The following THEMIS variants were observed in gnomAD, a reference collection of about 807,000 sequenced individuals.
THEMIS encodes the protein thymocyte selection associated, also known as protein THEMIS.
THEMIS carries 37 observed loss-of-function variants against 52.6 expected under a neutral mutation model. That is an observed-to-expected ratio of 0.70 (90% CI 0.54 to 0.93). THEMIS has a LOEUF of 0.93. THEMIS is among the 40% of genes least tolerant of loss of function. The probability of loss-of-function intolerance (pLI) is 0.00; values close to 1 mark genes in which losing one functional copy is unlikely to be tolerated. For synonymous variants in THEMIS, 292 were observed against 272.7 expected (o/e 1.07, Z -0.70); for missense variants, 808 against 763.1 (o/e 1.06, Z -0.69).
Position 127,900,879 on chromosome 6 carries a change from G to T in THEMIS, c.54C>A (p.Pro18=), listed in dbSNP as rs780255456. The T allele has an allele frequency of 2.5e-6, 4 of 1,613,170 alleles. No homozygotes were observed. The Admixed American group carries it at 5.0e-5, about 20-fold the overall frequency. Residue 18 remains proline (P), a synonymous_variant, in exon 1 of 6, where the codon CCC becomes CCA. Transcript: ENST00000368248. Reference sequence around the variant, plus strand: ...TGCCTGCCTGGATTTCTAGAACCCTGGGTAGGGTCCTGAGGTCAAGGGAGT... The same window carrying T: ...TGCCTGCCTGGATTTCTAGAACCCTTGGTAGGGTCCTGAGGTCAAGGGAGT... ...FVHSLDLRTL[P]RVLEIQAGIY... is the part of the protein sequence containing the mutation.
chr6:127,820,460 A>C (rs896064161), intron 3 of THEMIS, among the ~76,000 whole-genome samples: 2 of 152,154 alleles, frequency 1.3e-5, no homozygotes, highest in Non-Finnish European at 2.9e-5. Context: ...ATGAGAGCAC[A>C]GGGACTGGAC....
chr6:127,709,966 T>G lies in THEMIS; in HGVS notation c.*19A>C. On this transcript the variant is annotated 3_prime_UTR_variant, in exon 6 of 6. Coordinates refer to ENST00000368248, the MANE Select transcript of THEMIS (RefSeq NM_001010923.3). ...GCAACATTTATGTTTGCTGCCTAAG[T>G]GGCTTCTGTCACATCTTGTTATTTT... The G allele has an allele frequency of 6.3e-7, 1 of 1,585,276 alleles. No homozygotes were observed. The highest frequency in any genetic ancestry group is 8.6e-7 in the Non-Finnish European group (1 of 1,168,378).
chr6:127,862,820 T>A (rs1779852249), intron 1 of THEMIS, among the ~76,000 whole-genome samples: 1 of 152,090 alleles, frequency 6.6e-6, no homozygotes, highest in South Asian at 2.1e-4. Flanking sequence ...TTTGTCCCTC[T>A]CATCACTAAT....
In THEMIS at chr6:127,840,585, A is replaced by T. The variant is rs534028451; in HGVS notation, c.251-10651T>A. Among the ~76,000 whole-genome samples the T allele has an allele frequency of 9.6e-4, 146 of 152,248 alleles. 1 individual carries two copies. Among genetic ancestry groups the T allele is most frequent in the African/African-American group, 3.4e-3 (142 of 41,570 alleles). ...CATGCATGTGTTACTTGTAAAACAG[A>T]AAAATAAATACATCTTATAGCTTTA... On this transcript the variant is annotated intron_variant, in intron 2 of 5. Transcript: ENST00000368248.
intron 1 of THEMIS, among the ~76,000 whole-genome samples, chr6:127,881,045 G>A (rs1210908513): frequency 6.6e-6 from 1 of 151,952 alleles, no homozygotes; most frequent in Non-Finnish European, 1.5e-5. Context: ...CTTGACTATT[G>A]CATCAAAGCA....
At chr6:127,798,708 C>T (rs757141983) in intron 4 of THEMIS, among the ~76,000 whole-genome samples, 47 of 152,006 alleles carry the variant, frequency 3.1e-4, no homozygotes, top group Non-Finnish European at 4.9e-4. Context: ...AAATTAAAGA[C>T]GGCCGGGCGC....
At chr6:127,791,492 C>T (rs889638286) in intron 4 of THEMIS, among the ~76,000 whole-genome samples, 5 of 152,142 alleles carry the variant, frequency 3.3e-5, no homozygotes, top group African/African-American at 1.2e-4. Context: ...AGGTGCTGAT[C>T]GGCCCGTGAG....
At chr6:127,701,320 T>C in the THEMIS span, among the ~76,000 whole-genome samples, 1 of 152,144 alleles carries the variant, frequency 6.6e-6, no homozygotes, top group African/African-American at 2.4e-5. Flanking sequence ...ATCTAATTTT[T>C]ATGATTCTGG....
chr6:127,703,035 G>GGTTTTTTTTTTTTTTTTT, the THEMIS span, among the ~76,000 whole-genome samples: 129 of 82,380 alleles, frequency 1.6e-3, 30 homozygotes, highest in Middle Eastern at 7.8e-3. Flanking sequence ...TTTAGAATGA[G>GGTTTTTTTTTTTTTTTTT]TTTTTTTTTT....
chr6:127,799,962 A>G (rs1777477467), intron 4 of THEMIS, among the ~76,000 whole-genome samples: 1 of 152,240 alleles, frequency 6.6e-6, no homozygotes, highest in African/African-American at 2.4e-5. Context: ...AAAAGCATCA[A>G]TTAGCCATGG....
At chr6:127,772,850 C>T (rs537723002) in intron 4 of THEMIS, among the ~76,000 whole-genome samples, 3 of 152,146 alleles carry the variant, frequency 2.0e-5, no homozygotes, top group Middle Eastern at 3.4e-3. Context: ...ATTTTGAGGG[C>T]GTTTGGGGGC....
intron 3 of THEMIS, among the ~76,000 whole-genome samples, chr6:127,823,605 A>G (rs978326167): frequency 5.9e-5 from 9 of 152,148 alleles, no homozygotes; most frequent in Admixed American, 5.9e-4. Context: ...TAAGAAATTA[A>G]TGTGATATTT....
At chr6:127,889,275 G>T (rs1032843468) in intron 1 of THEMIS, among the ~76,000 whole-genome samples, 8 of 152,204 alleles carry the variant, frequency 5.3e-5, no homozygotes, top group African/African-American at 1.7e-4. Context: ...CCACAAAAGG[G>T]TTGGGAAGTA....
intron 3 of THEMIS, among the ~76,000 whole-genome samples, chr6:127,818,697 C>T (rs1778219805): frequency 6.6e-6 from 1 of 151,560 alleles, no homozygotes; most frequent in Non-Finnish European, 1.5e-5. Context: ...ATTACTAGAC[C>T]AGGAACTTAA....
In THEMIS at chr6:127,829,801, G is replaced by A. The variant is rs147408722; in HGVS notation, c.384C>T (p.Leu128=). Residue 128 remains leucine (L), a synonymous_variant, in exon 3 of 6, where the codon CTC becomes CTT. Coordinates refer to ENST00000368248, the MANE Select transcript of THEMIS (RefSeq NM_001010923.3). ...TGATTTGCTCACCCTGCTTTATGATGAGGTTCTCTAGTTTTATATCCTTCT... is the reference window on the plus strand; with the variant it reads ...TGATTTGCTCACCCTGCTTTATGATAAGGTTCTCTAGTTTTATATCCTTCT... The part of the protein sequence containing the change: ...YHQKDIKLEN[L]IIKQGEQIML... 267 of 1,614,114 alleles carry A rather than the reference G, an allele frequency of 1.7e-4. 1 individual carries two copies. In the African/African-American group the frequency reaches 3.2e-3, roughly 19 times the overall value.
intron 1 of THEMIS, among the ~76,000 whole-genome samples, chr6:127,881,166 T>C (rs12196784): frequency 0.013 from 1,905 of 152,184 alleles, 21 homozygotes; most frequent in South Asian, 0.022. Context: ...CCTAACAAAA[T>C]CTACCAGTAT....
chr6:127,755,141 C>T (rs541902241), intron 4 of THEMIS, among the ~76,000 whole-genome samples: 2 of 152,060 alleles, frequency 1.3e-5, no homozygotes, highest in East Asian at 1.9e-4. Context: ...CTACAGAACA[C>T]GTGTTCCAAA....
rs201512890 is a variant in THEMIS, at chr6:127,813,117, G to A, written c.1524C>T (p.Arg508=). The A allele has an allele frequency of 3.1e-6, 5 of 1,614,038 alleles. No individual in the cohort carries two copies. The highest frequency in any genetic ancestry group is 3.4e-6 in the Non-Finnish European group (4 of 1,179,996). ...TAACTAACTGAACAGTCATATTCAA[G>A]CGGCCCACAGGAATTTCCCAGCACT... The part of the protein sequence containing the change: ...PTECWEIPVG[R]LNMTVQLVSN... Residue 508 remains arginine, a synonymous_variant, in exon 4 of 6, where the codon CGC becomes CGT. Transcript: ENST00000368248.
At chr6:127,745,985 G>T (rs546031947) in intron 4 of THEMIS, among the ~76,000 whole-genome samples, 3 of 151,774 alleles carry the variant, frequency 2.0e-5, no homozygotes, top group Admixed American at 1.3e-4. Flanking sequence ...AATTCTCAAA[G>T]ATTATTCATA....
Sources: allele counts gnomAD v4.1 joint callset (sites outside exome capture counted in the v4.1 genomes callset), GRCh38; gene constraint gnomAD v4.1.1; transcripts MANE v1.5; gene names NCBI Gene and HGNC (gene_info 2026-07-23, HGNC 2026-07-21).